The following MAP4 variants were observed in gnomAD, a reference collection of about 807,000 sequenced individuals.
The protein encoded by MAP4 is microtubule associated protein 4.
In MAP4, 76 loss-of-function variants were observed where a neutral mutation model predicts 170.2. That is an observed-to-expected ratio of 0.45 (90% CI 0.37 to 0.54). MAP4 has a LOEUF of 0.54. Ranked by LOEUF, MAP4 falls within the 20% of genes least tolerant of loss-of-function variation. The pLI, the probability that MAP4 is intolerant of heterozygous loss-of-function variation, is 0.00. For synonymous variants in MAP4, 909 were observed against 994.5 expected, an observed-to-expected ratio of 0.91 and a Z score of 1.62; for missense variants, 2,506 against 2,748.0, an observed-to-expected ratio of 0.91 and a Z score of 1.97.
At chr3:48,056,632 C>G (rs867186373) in intron 1 of MAP4, among the ~76,000 whole-genome samples, 3 of 121,808 alleles carry the variant, frequency 2.5e-5, no homozygotes, top group African/African-American at 8.4e-5. Flanking sequence ...GTCAGCCCCC[C>G]GCCCGGCCAG....
At chr3:47,896,296 G>A (rs553478501) in intron 10 of MAP4, among the ~76,000 whole-genome samples, 7 of 152,340 alleles carry the variant, frequency 4.6e-5, no homozygotes, top group South Asian at 2.1e-4. Context: ...TTGGGAGGCC[G>A]AGGCGGGAGG....
At chr3:48,040,321 T>C (rs1012775006) in intron 1 of MAP4, among the ~76,000 whole-genome samples, 8 of 152,210 alleles carry the variant, frequency 5.3e-5, no homozygotes, top group African/African-American at 1.9e-4. Context: ...CAGGCTAGAG[T>C]TCAGTGGCGT....
chr3:47,904,653 C>G (rs976468734), intron 9 of MAP4, among the ~76,000 whole-genome samples: 1 of 11,398 alleles, frequency 8.8e-5, no homozygotes, highest in Non-Finnish European at 1.6e-4. Context: ...TTTTTTTGGG[C>G]GGGGGGGCTA....
At chr3:48,054,303 CA>C (rs1351731182) in intron 1 of MAP4, among the ~76,000 whole-genome samples, 1 of 147,820 alleles carries the variant, frequency 6.8e-6, no homozygotes, top group Non-Finnish European at 1.5e-5. Context: ...CCTCAAAAAA[CA>C]AAAAAAACAA....
chr3:47,890,112 C>T (rs1176565281), intron 10 of MAP4, among the ~76,000 whole-genome samples: 2 of 151,980 alleles, frequency 1.3e-5, no homozygotes, highest in Non-Finnish European at 2.9e-5. Flanking sequence ...AAGCAAAACA[C>T]ATGTTTTAAA....
In MAP4 at chr3:47,877,516, G is replaced by A; in HGVS notation, c.5442C>T (p.Ala1814=). The change falls in exon 11 of 21, where the codon GCC becomes GCT. Residue 1814 remains alanine (A), a synonymous_variant. Transcript: ENST00000683076. ...QQLGMSVYGI[A]RPEEGRPVVS... Reference sequence around the variant, plus strand: ...CCACAGGCCTTCCTTCTTCTGGCCTGGCTATTCCTAAGGGGAGAGGGTGAG... The same window carrying A: ...CCACAGGCCTTCCTTCTTCTGGCCTAGCTATTCCTAAGGGGAGAGGGTGAG... 3 of 1,611,564 alleles carry A rather than the reference G, an allele frequency of 1.9e-6. No homozygotes were observed. The highest frequency in any genetic ancestry group is 2.5e-6 in the Non-Finnish European group (3 of 1,178,374).
chr3:48,053,145 C>T (rs2100128800), intron 1 of MAP4, among the ~76,000 whole-genome samples: 1 of 152,100 alleles, frequency 6.6e-6, no homozygotes, highest in Non-Finnish European at 1.5e-5. Flanking sequence ...ACATAAAGTA[C>T]AAGAATAAAC....
chr3:48,058,925 G>A (rs1487192936), intron 1 of MAP4, among the ~76,000 whole-genome samples: 4 of 151,992 alleles, frequency 2.6e-5, no homozygotes, highest in East Asian at 1.9e-4. Flanking sequence ...GATTACAGGC[G>A]TGCACCACCA....
At chr3:47,885,012 T>C (rs922651259) in intron 10 of MAP4, among the ~76,000 whole-genome samples, 1 of 152,164 alleles carries the variant, frequency 6.6e-6, no homozygotes, top group African/African-American at 2.4e-5. Flanking sequence ...ATTGACACTG[T>C]ACCTGCAGGC....
intron 10 of MAP4, among the ~76,000 whole-genome samples, chr3:47,893,419 A>G (rs1438533207): frequency 2.0e-5 from 3 of 152,194 alleles, no homozygotes; most frequent in Admixed American, 6.5e-5. Context: ...CACTGGGGGC[A>G]GTGCATCTTT....
intron 2 of MAP4, among the ~76,000 whole-genome samples, chr3:47,995,130 T>C (rs1166640516): frequency 2.0e-5 from 3 of 152,174 alleles, no homozygotes; most frequent in Non-Finnish European, 2.9e-5. Context: ...TCAAAAAATG[T>C]ATGAGTTTCT....
chr3:47,920,259 C>A (rs1249949446), intron 5 of MAP4, among the ~76,000 whole-genome samples: 1 of 150,356 alleles, frequency 6.7e-6, no homozygotes, highest in Non-Finnish European at 1.5e-5. Flanking sequence ...GCATGAGCCA[C>A]CACACTCGGC....
intron 10 of MAP4, among the ~76,000 whole-genome samples, chr3:47,894,074 A>C (rs74971749): frequency 1.4e-5 from 2 of 147,222 alleles, no homozygotes; most frequent in African/African-American, 2.5e-5. Flanking sequence ...TGCAATGCTG[A>C]AAAAAAAAAA....
At position 47,883,892 on chromosome 3, in the gene MAP4, GCAT is replaced by G. The variant is rs202089644; in HGVS notation, c.5435-6372_5435-6370del. Among the ~76,000 whole-genome samples the G allele has an allele frequency of 3.8e-4, 58 of 152,122 alleles. 2 individuals carry two copies. The East Asian group carries it at 0.011, about 28-fold the overall frequency. ...AAAAAAAAATTGCTGTTTCCCTAATGCATCATATCTCTTTGCTTTTTTTACAGA... is the reference window on the plus strand; with the variant it reads ...AAAAAAAAATTGCTGTTTCCCTAATGCATATCTCTTTGCTTTTTTTACAGA... On this transcript the variant is annotated intron_variant, in intron 10 of 20. Transcript: ENST00000683076.
intron 10 of MAP4, among the ~76,000 whole-genome samples, chr3:47,896,162 T>C (rs763849454): frequency 9.2e-5 from 14 of 152,068 alleles, no homozygotes; most frequent in Non-Finnish European, 7.4e-5. Context: ...TGAGGGAATA[T>C]ATATAAAAAG....
chr3:48,061,726 C>T (rs2100135475), intron 1 of MAP4, among the ~76,000 whole-genome samples: 1 of 150,610 alleles, frequency 6.6e-6, no homozygotes. Context: ...CTCCACCCGG[C>T]AGCCGCCCAG....
rs367661176 is a variant in MAP4 at position 47,855,344 on chromosome 3, C to T, written c.6600G>A (p.Lys2200=). ...TGAAGTTCAACTTCTGACTTTCAAT[C>T]TTGACATCTCCTCCACCTGGAACCA... ...IKHKPGGGDV[K]IESQKLNFKE... is the part of the protein sequence containing the mutation. Residue 2200 remains lysine (K), a synonymous_variant, in exon 19 of 21, where the codon AAG becomes AAA. Coordinates refer to ENST00000683076, the MANE Select transcript of MAP4 (RefSeq NM_001385682.1). This position sits in a 1 kb window ranked among gnomAD's most constrained non-coding sequence, Gnocchi z 5.1. 2.6e-5 allele frequency: 42 copies of T among 1,611,972 alleles called. No individual in the cohort carries two copies. Among genetic ancestry groups the T allele is most frequent in the Middle Eastern group, 1.6e-4 (1 of 6,078 alleles).
intron 1 of MAP4, among the ~76,000 whole-genome samples, chr3:48,040,367 C>G (rs1375511147): frequency 6.6e-6 from 1 of 152,060 alleles, no homozygotes; most frequent in African/African-American, 2.4e-5. Context: ...CTCCTGGGTT[C>G]AGGCCATTCT....
chr3:47,911,964 C>T lies in MAP4; in HGVS notation c.2457G>A (p.Met819Ile). 16 of 1,536,074 alleles carry T rather than the reference C, an allele frequency of 1.0e-5. No individual in the cohort carries two copies. The highest frequency in any genetic ancestry group is 1.1e-5 in the Non-Finnish European group (13 of 1,146,900). ...CAGATACAAGTCCATATTCTGTACC[C>T]ATAGTGGTAGGCTGGCTGGGGAGAA... ...SGVLPSQPTT[M>I]GTEYGLVSGE... The change falls in exon 9 of 21, where the codon ATG becomes ATA. Residue 819 changes from methionine (M) to isoleucine (I), a missense_variant. Met to Ile is a conservative substitution (Grantham distance 10). Around this residue, in one of 3 missense-constraint regions of MAP4, gnomAD observed 2,008 missense variants for 2,206.0 expected, o/e 0.91. Transcript: ENST00000683076. This position sits in a 1 kb window ranked among gnomAD's most constrained non-coding sequence, Gnocchi z 4.0.
Sources: allele counts gnomAD v4.1 joint callset (sites outside exome capture counted in the v4.1 genomes callset), GRCh38; gene constraint gnomAD v4.1.1; regional missense constraint gnomAD v4.1.1; non-coding constraint Gnocchi (gnomAD v3.1); transcripts MANE v1.5; gene names NCBI Gene and HGNC (gene_info 2026-07-23, HGNC 2026-07-21).